The following ATP8A2 variants were observed in gnomAD, a reference collection of about 807,000 sequenced individuals.
ATP8A2 encodes the protein ATPase phospholipid transporting 8A2.
A neutral mutation model predicts 165.6 loss-of-function variants in ATP8A2; 100 were observed. The observed-to-expected ratio is 0.60, with a 90% CI of 0.51 to 0.71. The LOEUF (loss-of-function observed/expected upper bound fraction) is 0.71. Ranked by LOEUF, ATP8A2 falls within the 30% of genes least tolerant of loss-of-function variation. ATP8A2 has a pLI of 0.00. For synonymous variants in ATP8A2, 543 were observed against 548.8 expected (o/e 0.99, Z 0.15); for missense variants, 1,227 against 1,479.5 (o/e 0.83, Z 2.80).
intron 33 of ATP8A2, among the ~76,000 whole-genome samples, chr13:25,892,238 A>C (rs964408375): frequency 6.6e-6 from 1 of 152,012 alleles, no homozygotes; most frequent in Non-Finnish European, 1.5e-5. Flanking sequence ...CAGCCTCCAA[A>C]GTGCTGGGAT....
intron 25 of ATP8A2, among the ~76,000 whole-genome samples, chr13:25,707,525 G>A (rs777434937): frequency 8.5e-5 from 13 of 152,186 alleles, no homozygotes; most frequent in Non-Finnish European, 1.5e-4. Context: ...TATAGTACAT[G>A]TGATAAAAAT....
chr13:25,460,007 G>C (rs2035464281), intron 1 of ATP8A2, among the ~76,000 whole-genome samples: 1 of 152,132 alleles, frequency 6.6e-6, no homozygotes, highest in South Asian at 2.1e-4. Context: ...TTCAATACTA[G>C]TCTGGCCAAT....
At chr13:25,571,016 T>A in intron 17 of ATP8A2, 144 bp downstream of exon 17, 2 of 601,222 alleles carry the variant, frequency 3.3e-6, no homozygotes, top group Non-Finnish European at 5.8e-6. Flanking sequence ...AGGCTGTGGC[T>A]ACAGGTGCAA....
intron 25 of ATP8A2, among the ~76,000 whole-genome samples, chr13:25,766,689 G>C (rs961475646): frequency 1.3e-5 from 2 of 152,184 alleles, no homozygotes; most frequent in Non-Finnish European, 2.9e-5. Context: ...TTACCTGAGA[G>C]ACATTGCTGT....
chr13:25,609,717 G>C (rs1022973595), intron 24 of ATP8A2, among the ~76,000 whole-genome samples: 1 of 150,914 alleles, frequency 6.6e-6, no homozygotes, highest in Non-Finnish European at 1.5e-5. Context: ...TTCCATAGTG[G>C]TTGTACTAGT....
In ATP8A2 at chr13:25,689,870, G is replaced by GA. The variant is rs201411284; in HGVS notation, c.2212-9294dup. The stretch of plus-strand genomic sequence containing the variant: ...ACACTTTGAAATAATTTTCTTTTAG[G>GA]AAAAAAAAACATCTATTTTGAGGAG... On this transcript the variant is annotated intron_variant, in intron 24 of 36. Transcript: ENST00000381655. 1.3e-3 allele frequency among the ~76,000 whole-genome samples: 192 copies of GA among 149,016 alleles called. 2 individuals carry two copies. Among genetic ancestry groups the GA allele is most frequent in the African/African-American group, 4.1e-3 (168 of 40,680 alleles).
chr13:25,374,601 G>A (rs1227358949), intron 1 of ATP8A2, among the ~76,000 whole-genome samples: 1 of 152,164 alleles, frequency 6.6e-6, no homozygotes, highest in Non-Finnish European at 1.5e-5. Flanking sequence ...GGGTCCTCCT[G>A]GCAGAGCAGT....
intron 11 of ATP8A2, among the ~76,000 whole-genome samples, chr13:25,553,329 TTCTC>T (rs2038881340): frequency 1.3e-5 from 2 of 152,110 alleles, no homozygotes; most frequent in Non-Finnish European, 2.9e-5. Flanking sequence ...GGCTCAAGCC[TTCTC>T]TCTCTTTGTC....
chr13:25,394,880 C>A (rs991212142), intron 1 of ATP8A2, among the ~76,000 whole-genome samples: 1 of 152,162 alleles, frequency 6.6e-6, no homozygotes, highest in African/African-American at 2.4e-5. Context: ...GCATGACAAG[C>A]CTTACTAAAG....
intron 25 of ATP8A2, among the ~76,000 whole-genome samples, chr13:25,743,309 C>T (rs1282311096): frequency 6.6e-6 from 1 of 150,722 alleles, no homozygotes; most frequent in Non-Finnish European, 1.5e-5. Context: ...TCTCAGACTT[C>T]GGAAGGAATC....
chr13:25,769,650 T>C (rs217882), intron 26 of ATP8A2, among the ~76,000 whole-genome samples: 151,645 of 152,296 alleles, frequency 1, 75,501 homozygotes, highest in East Asian at 1. Context: ...CCCAAAGGTG[T>C]TGGGACACCC....
intron 24 of ATP8A2, among the ~76,000 whole-genome samples, chr13:25,674,733 G>A (rs929559322): frequency 5.3e-5 from 8 of 152,148 alleles, no homozygotes; most frequent in Non-Finnish European, 7.3e-5. Context: ...GTTTCCTCCC[G>A]TGTAGTGACT....
chr13:25,699,418 A>G lies in ATP8A2; in HGVS notation c.2384+73A>G, dbSNP rs77600925. ...TCCCGTGCTTATACAAAAGAAAGGG[A>G]TGCATGGGAATTCTAGGTTTAAAGT... is the stretch of plus-strand genomic sequence containing the variant. On this transcript the variant is annotated intron_variant, in intron 25 of 36. Transcript: ENST00000381655. 2.3e-5 allele frequency: 26 copies of G among 1,154,828 alleles called. No homozygotes were observed. The African/African-American group carries it at 4.1e-4, about 18-fold the overall frequency. The allele number at this position is 1,154,828 out of a possible 1,614,324, so 71.5% of individuals were successfully genotyped here.
chr13:25,576,540 G>A (rs1433498147), intron 19 of ATP8A2, among the ~76,000 whole-genome samples: 1 of 152,132 alleles, frequency 6.6e-6, no homozygotes, highest in African/African-American at 2.4e-5. Flanking sequence ...GAGGAAAGAC[G>A]TGTGAGGAAG....
intron 24 of ATP8A2, among the ~76,000 whole-genome samples, chr13:25,613,961 C>T (rs1020064731): frequency 3.3e-5 from 5 of 152,100 alleles, no homozygotes; most frequent in African/African-American, 1.2e-4. Flanking sequence ...CCTCACAGCT[C>T]TTAAGATTCT....
intron 10 of ATP8A2, among the ~76,000 whole-genome samples, chr13:25,545,894 C>A (rs2038634223): frequency 6.6e-6 from 1 of 152,196 alleles, no homozygotes; most frequent in Non-Finnish European, 1.5e-5. Context: ...CTTGGCTTCC[C>A]AAAGTGTTGG....
At chr13:25,516,293 G>T (rs770354533) in intron 2 of ATP8A2, among the ~76,000 whole-genome samples, 4 of 152,064 alleles carry the variant, frequency 2.6e-5, no homozygotes, top group Non-Finnish European at 4.4e-5. Context: ...CTTGACTGAG[G>T]GCAAAAGCGT....
chr13:25,385,427 C>G (rs2033005177), intron 1 of ATP8A2, among the ~76,000 whole-genome samples: 1 of 152,190 alleles, frequency 6.6e-6, no homozygotes, highest in Non-Finnish European at 1.5e-5. Flanking sequence ...ACCTCCTTCA[C>G]TGAATTACTG....
intron 1 of ATP8A2, among the ~76,000 whole-genome samples, chr13:25,446,787 A>T (rs1704455768): frequency 6.6e-6 from 1 of 152,238 alleles, no homozygotes; most frequent in Non-Finnish European, 1.5e-5. Flanking sequence ...TTTCCCCTAA[A>T]TGTCATACAG....
Sources: allele counts gnomAD v4.1 joint callset (sites outside exome capture counted in the v4.1 genomes callset), GRCh38; gene constraint gnomAD v4.1.1; transcripts MANE v1.5; gene names NCBI Gene and HGNC (gene_info 2026-07-23, HGNC 2026-07-21).